Variants in PRKG1 observed in about 807,000 individuals in gnomAD.
The protein encoded by PRKG1 is protein kinase cGMP-dependent 1, also known as cGMP-dependent protein kinase 1.
PRKG1 carries 35 observed loss-of-function variants against 88.1 expected under a neutral mutation model. The ratio of observed to expected loss-of-function variants is 0.40; its 90% CI spans 0.30 to 0.53. The LOEUF (loss-of-function observed/expected upper bound fraction) is 0.53. Ranked by LOEUF, PRKG1 falls within the 20% of genes least tolerant of loss-of-function variation. The probability of loss-of-function intolerance (pLI) is 0.59; values close to 1 mark genes in which losing one functional copy is unlikely to be tolerated. For synonymous variants in PRKG1, 303 were observed against 292.5 expected (o/e 1.04, Z -0.37); for missense variants, 540 against 839.8 (o/e 0.64, Z 4.41).
intron 3 of PRKG1, among the ~76,000 whole-genome samples, chr10:51,778,508 A>G (rs559896340): frequency 6.6e-6 from 1 of 152,172 alleles, no homozygotes; most frequent in Non-Finnish European, 1.5e-5. Context: ...TATTTTGCTC[A>G]GGTTAATTTA....
intron 2 of PRKG1, among the ~76,000 whole-genome samples, chr10:51,373,540 C>A (rs1436804789): frequency 6.6e-6 from 1 of 152,096 alleles, no homozygotes; most frequent in African/African-American, 2.4e-5. Flanking sequence ...AGCCTGTTAC[C>A]TAGATATTAC....
intron 3 of PRKG1, among the ~76,000 whole-genome samples, chr10:51,559,114 C>CAT (rs1056993269): frequency 2.6e-5 from 4 of 152,038 alleles, no homozygotes; most frequent in African/African-American, 7.2e-5. Flanking sequence ...CACAGATATA[C>CAT]ATATATATAT....
At chr10:51,707,471 G>A (rs1485630968) in intron 3 of PRKG1, among the ~76,000 whole-genome samples, 1 of 152,118 alleles carries the variant, frequency 6.6e-6, no homozygotes, top group Non-Finnish European at 1.5e-5. Context: ...TCCCTTATTC[G>A]TGCTTCAGGC....
chr10:51,602,780 GTA>G lies in PRKG1; in HGVS notation c.592+134950_592+134951del, dbSNP rs752734995. Among the ~76,000 whole-genome samples the G allele has an allele frequency of 2.5e-3, 312 of 126,504 alleles. 8 individuals are homozygous for G. The highest frequency in any genetic ancestry group is 8.8e-3 in the African/African-American group (223 of 25,442). 83.0% of individuals were successfully genotyped at this position (126,504 alleles called of 152,430 possible). On this transcript the variant is annotated intron_variant, in intron 3 of 17. Coordinates refer to ENST00000373980, the MANE Select transcript of PRKG1 (RefSeq NM_006258.4). ...TGTGTGTGTGTGTGTGTGTGTGTGT[GTA>G]TATATTCATATATATATTAATTTTC...
intron 2 of PRKG1, among the ~76,000 whole-genome samples, chr10:51,312,620 T>C (rs1383590943): frequency 6.6e-6 from 1 of 152,132 alleles, no homozygotes; most frequent in Non-Finnish European, 1.5e-5. Context: ...TGAAGGACCA[T>C]AGTAAAATTA....
intron 4 of PRKG1, among the ~76,000 whole-genome samples, chr10:51,904,695 G>C (rs1196320347): frequency 6.6e-6 from 1 of 152,072 alleles, no homozygotes; most frequent in East Asian, 1.9e-4. Flanking sequence ...TAATATTTTA[G>C]AGTGTTTCTT....
chr10:52,234,129 G>T (rs978250039), intron 9 of PRKG1, among the ~76,000 whole-genome samples: 1 of 152,086 alleles, frequency 6.6e-6, no homozygotes, highest in Non-Finnish European at 1.5e-5. Flanking sequence ...AAAACTAACA[G>T]ACAGAAAGGA....
chr10:51,958,421 G>A (rs544221766), intron 5 of PRKG1, among the ~76,000 whole-genome samples: 2 of 150,734 alleles, frequency 1.3e-5, no homozygotes, highest in Admixed American at 1.3e-4. Context: ...CTAGGGGCAG[G>A]GGTTATGAAG....
intron 9 of PRKG1, among the ~76,000 whole-genome samples, chr10:52,170,841 T>C (rs774123385): frequency 2.5e-4 from 38 of 150,708 alleles, no homozygotes; most frequent in Non-Finnish European, 4.4e-4. Context: ...GACAACCCTT[T>C]AGTAACTGAT....
intron 2 of PRKG1, among the ~76,000 whole-genome samples, chr10:51,454,710 A>C (rs1419295530): frequency 6.6e-6 from 1 of 152,200 alleles, no homozygotes; most frequent in African/African-American, 2.4e-5. Flanking sequence ...CCCTTTATCT[A>C]ACCATAAGAT....
chr10:51,425,325 C>T (rs184398888), intron 2 of PRKG1, among the ~76,000 whole-genome samples: 12 of 152,116 alleles, frequency 7.9e-5, no homozygotes, highest in African/African-American at 2.4e-4. Context: ...AAAATGTGTA[C>T]ACAACTCGGT....
At chr10:51,396,434 G>A (rs1006313079) in intron 2 of PRKG1, among the ~76,000 whole-genome samples, 7 of 151,838 alleles carry the variant, frequency 4.6e-5, no homozygotes, top group Non-Finnish European at 1.0e-4. Context: ...AAGTTGTATT[G>A]GATCATTTCT....
At chr10:51,884,302 A>G (rs7920975) in intron 4 of PRKG1, among the ~76,000 whole-genome samples, 107,196 of 144,346 alleles carry the variant, frequency 0.74, 40,183 homozygotes, top group African/African-American at 0.86. Context: ...AAAATTAGCC[A>G]GGCGTGGTGG....
At chr10:52,155,732 G>GACACACACACACACACACAC (rs146109771) in intron 8 of PRKG1, among the ~76,000 whole-genome samples, 30 of 147,894 alleles carry the variant, frequency 2.0e-4, no homozygotes, top group East Asian at 9.9e-4. Context: ...ATTGCCATTG[G>GACACACACACACACACACAC]ACACACACAC....
intron 1 of PRKG1, among the ~76,000 whole-genome samples, chr10:51,146,463 T>A (rs763149447): frequency 3.4e-4 from 52 of 151,944 alleles, no homozygotes; most frequent in Admixed American, 7.9e-4. Flanking sequence ...GTTCCTTGTA[T>A]TTTCTGAACA....
At chr10:51,761,165 C>G (rs767808406) in intron 3 of PRKG1, among the ~76,000 whole-genome samples, 1 of 152,196 alleles carries the variant, frequency 6.6e-6, no homozygotes, top group South Asian at 2.1e-4. Context: ...CCAATTATCT[C>G]TTTGTTAAAG....
intron 3 of PRKG1, among the ~76,000 whole-genome samples, chr10:51,610,288 A>G (rs1337700367): frequency 6.6e-6 from 1 of 151,974 alleles, no homozygotes; most frequent in Non-Finnish European, 1.5e-5. Context: ...CCCCACTGCC[A>G]CTCATACACC....
chr10:52,164,416 A>T (rs1305321099), intron 9 of PRKG1, among the ~76,000 whole-genome samples: 13 of 152,004 alleles, frequency 8.6e-5, no homozygotes, highest in Non-Finnish European at 1.6e-4. Context: ...AATAACTAGA[A>T]ATATACCTTA....
chr10:51,331,574 G>A (rs1323875655), intron 2 of PRKG1, among the ~76,000 whole-genome samples: 1 of 152,160 alleles, frequency 6.6e-6, no homozygotes, highest in Non-Finnish European at 1.5e-5. Context: ...CTGAGGTTGG[G>A]GGAGGGATGA....
Sources: gnomAD v4.1 joint callset for allele counts (sites outside exome capture counted in the v4.1 genomes callset) on GRCh38, gnomAD v4.1.1 for gene constraint, MANE v1.5 for transcripts, NCBI Gene and HGNC (gene_info 2026-07-23, HGNC 2026-07-21) for gene names.